Variants in STXBP4 observed in about 807,000 individuals in gnomAD.
STXBP4 encodes the protein syntaxin binding protein 4.
A neutral mutation model predicts 76.1 loss-of-function variants in STXBP4; 55 were observed. That is an observed-to-expected ratio of 0.72 (90% CI 0.58 to 0.91). The LOEUF (loss-of-function observed/expected upper bound fraction) is 0.91, where lower values mean the gene tolerates loss of function less well. Among genes scored for constraint, STXBP4 ranks in the 40% least tolerant of loss-of-function variants. The pLI is 0.00. For missense variants in STXBP4, 618 were observed against 636.9 expected (o/e 0.97, Z 0.32); for synonymous variants, 201 against 220.2 (o/e 0.91, Z 0.77).
In STXBP4 at chr17:55,142,530, T is replaced by C. The variant is rs116483815; in HGVS notation, c.1547+1163T>C. On this transcript the variant is annotated intron_variant, in intron 17 of 17. Transcript: ENST00000376352. Reference sequence around the variant, plus strand: ...ATACTGAGGGGAATATTACCTACTTTATAAAGTTGTTTAATCTTAAGTACC... The same window carrying C: ...ATACTGAGGGGAATATTACCTACTTCATAAAGTTGTTTAATCTTAAGTACC... 4.1e-3 allele frequency among the ~76,000 whole-genome samples: 625 copies of C among 152,288 alleles called. 5 individuals carry two copies. Among genetic ancestry groups the C allele is most frequent in the African/African-American group, 0.014 (580 of 41,562 alleles).
chr17:55,085,368 G>A (rs767292410), intron 16 of STXBP4, among the ~76,000 whole-genome samples: 5 of 150,198 alleles, frequency 3.3e-5, no homozygotes, highest in African/African-American at 7.3e-5. Flanking sequence ...TAAAAAAAAA[G>A]TGATACATTA....
At chr17:55,117,610 A>C in intron 16 of STXBP4, among the ~76,000 whole-genome samples, 1 of 151,770 alleles carries the variant, frequency 6.6e-6, no homozygotes, top group South Asian at 2.1e-4. Context: ...AAAAAAAAAA[A>C]CAATAATTTC....
chr17:55,078,116 C>T lies in STXBP4; in HGVS notation c.1227C>T (p.Leu409=), dbSNP rs376882404. The T allele has an allele frequency of 3.8e-5, 61 of 1,611,352 alleles. No individual in the cohort carries two copies. The highest frequency in any genetic ancestry group is 4.9e-5 in the Non-Finnish European group (58 of 1,178,740). The change falls in exon 14 of 18, where the codon CTC becomes CTT. Residue 409 remains leucine, a synonymous_variant. Transcript: ENST00000376352. The stretch of plus-strand genomic sequence containing the variant: ...ATTTAAAAAAGAGAATCATGGTACT[C>T]GACTGCCAATTACGAAAATCAGAAA... ...VQDLKKRIMV[L]DCQLRKSEMA...
chr17:54,984,503 G>A lies in STXBP4; in HGVS notation c.-156-1111G>A, dbSNP rs535378681. Among the ~76,000 whole-genome samples the A allele has an allele frequency of 5.4e-4, 82 of 151,696 alleles. 1 individual carries two copies. Among genetic ancestry groups the A allele is most frequent in the Non-Finnish European group, 1.0e-3 (70 of 67,888 alleles). On this transcript the variant is annotated intron_variant, in intron 1 of 17. Coordinates refer to ENST00000376352, the MANE Select transcript of STXBP4 (RefSeq NM_178509.6). The stretch of plus-strand genomic sequence containing the variant: ...GACTACAGGCGCTGCCACCACGCCC[G>A]GCTAATTTTTTTTGTATTTTTAGTA...
Position 55,168,478 on chromosome 17 carries a change from AGTTAT to A in STXBP4, c.*8568_*8572del, listed in dbSNP as rs2080389496. Reference sequence around the variant, plus strand: ...CCATATTCCCAATTAGTATTTCATCAGTTATAAGACCCATCATTATTTTGTGTGTA... The same window carrying A: ...CCATATTCCCAATTAGTATTTCATCAAAGACCCATCATTATTTTGTGTGTA... On this transcript the variant is annotated 3_prime_UTR_variant, in exon 18 of 18. Coordinates refer to ENST00000376352, the MANE Select transcript of STXBP4 (RefSeq NM_178509.6). The A allele has an allele frequency of 6.6e-6, 1 of 152,160 alleles. No homozygotes were observed. The highest frequency in any genetic ancestry group is 6.5e-5 in the Admixed American group (1 of 15,280). The allele number at this position is 152,160 out of a possible 1,614,324, so 9.4% of individuals were successfully genotyped here. A position where few individuals can be genotyped will look rare whatever the true frequency, so the allele number is the denominator to read the frequency against.
chr17:55,141,485 C>G (rs2080093776), intron 17 of STXBP4, 118 bp downstream of exon 17: 1 of 757,534 alleles, frequency 1.3e-6, no homozygotes. Context: ...AAATTAGTAA[C>G]AAGAAATGAA....
intron 8 of STXBP4, among the ~76,000 whole-genome samples, chr17:55,029,051 A>T (rs912169504): frequency 1.1e-4 from 8 of 71,990 alleles, no homozygotes; most frequent in Non-Finnish European, 1.8e-4. Context: ...TCTGTAATTT[A>T]AAAAAAAAAG....
At chr17:55,209,674 C>T in the STXBP4 span, among the ~76,000 whole-genome samples, 1 of 152,200 alleles carries the variant, frequency 6.6e-6, no homozygotes, top group Admixed American at 6.5e-5. Context: ...GCTGAGGACA[C>T]GTGCTCAACT....
intron 15 of STXBP4, 95 bp from the exon 16 acceptor site, chr17:55,080,955 T>G (rs1567752723): frequency 9.4e-6 from 11 of 1,171,272 alleles, no homozygotes; most frequent in Non-Finnish European, 1.2e-5. Flanking sequence ...ATAAATATTT[T>G]TGTACAAATC....
rs2080384974 is a variant in STXBP4 at position 55,167,935 on chromosome 17, T to C, written c.*8024T>C. 1 of 152,074 alleles carries C rather than the reference T, an allele frequency of 6.6e-6. No homozygotes were observed. The highest frequency in any genetic ancestry group is 1.5e-5 in the Non-Finnish European group (1 of 67,986). 9.4% of individuals were successfully genotyped at this position (152,074 alleles called of 1,614,324 possible). A position where few individuals can be genotyped will look rare whatever the true frequency, so the allele number is the denominator to read the frequency against. On this transcript the variant is annotated 3_prime_UTR_variant, in exon 18 of 18. Transcript: ENST00000376352. ...TATAGGAATAGGTAATATAGACAGG[T>C]AAGGTCAGAAATTTCTGTGGAATGG...
intron 16 of STXBP4, 81 bp from the exon 17 acceptor site, chr17:55,141,229 A>G (rs1025268957): frequency 2.3e-5 from 26 of 1,121,980 alleles, no homozygotes; most frequent in Non-Finnish European, 3.0e-5. Context: ...ATAATTGTAA[A>G]GATGAGGGAG....
At chr17:55,115,417 T>G (rs116957101) in intron 16 of STXBP4, among the ~76,000 whole-genome samples, 1 of 151,878 alleles carries the variant, frequency 6.6e-6, no homozygotes, top group Non-Finnish European at 1.5e-5. Flanking sequence ...ATCAGTCTTA[T>G]AGTTCTTTGT....
At chr17:55,127,925 A>G (rs548148617) in intron 16 of STXBP4, among the ~76,000 whole-genome samples, 3 of 151,932 alleles carry the variant, frequency 2.0e-5, no homozygotes, top group Admixed American at 1.3e-4. Flanking sequence ...ATGTTCATTT[A>G]TATTCAAGGT....
chr17:54,975,292 C>T (rs114243949), intron 1 of STXBP4, among the ~76,000 whole-genome samples: 1 of 152,148 alleles, frequency 6.6e-6, no homozygotes, highest in Non-Finnish European at 1.5e-5. Flanking sequence ...CAGGCGCATA[C>T]CACCATGCCC....
chr17:55,069,450 A>G (rs9911195), intron 12 of STXBP4, among the ~76,000 whole-genome samples: 7,372 of 152,240 alleles, frequency 0.048, 542 homozygotes, highest in African/African-American at 0.16. Flanking sequence ...GAGGCTGTAC[A>G]GTTATTTATT....
At chr17:55,187,610 C>T in the STXBP4 span, among the ~76,000 whole-genome samples, 8 of 152,184 alleles carry the variant, frequency 5.3e-5, no homozygotes, top group Middle Eastern at 3.4e-3. Flanking sequence ...ATGCACTGAG[C>T]GCTGACAAAG....
At chr17:55,112,955 G>A (rs1164974303) in intron 16 of STXBP4, among the ~76,000 whole-genome samples, 1 of 152,130 alleles carries the variant, frequency 6.6e-6, no homozygotes, top group Admixed American at 6.6e-5. Context: ...GGCTGAAATC[G>A]TAAACATTTG....
chr17:55,154,680 A>G (rs1031994175), intron 17 of STXBP4, among the ~76,000 whole-genome samples: 1 of 152,124 alleles, frequency 6.6e-6, no homozygotes, highest in Non-Finnish European at 1.5e-5. Context: ...CTATATAGCA[A>G]TCCAGCCTGT....
chr17:55,032,074 G>A (rs1211032050), intron 9 of STXBP4, among the ~76,000 whole-genome samples: 1 of 151,972 alleles, frequency 6.6e-6, no homozygotes, highest in Non-Finnish European at 1.5e-5. Context: ...AAATGATTTG[G>A]ACTTTTGATA....
Sources: gnomAD v4.1 joint callset for allele counts (sites outside exome capture counted in the v4.1 genomes callset) on GRCh38, gnomAD v4.1.1 for gene constraint, MANE v1.5 for transcripts, NCBI Gene and HGNC (gene_info 2026-07-23, HGNC 2026-07-21) for gene names.